Variants in EIF4G2 observed in about 807,000 individuals in gnomAD.
EIF4G2 encodes the protein DAP-5.
Under a neutral mutation model 117.7 loss-of-function variants are expected in EIF4G2, and 8 were observed. The ratio of observed to expected loss-of-function variants is 0.07; its 90% CI spans 0.04 to 0.12. The LOEUF (loss-of-function observed/expected upper bound fraction) is 0.12. Among genes scored for constraint, EIF4G2 ranks in the 10% least tolerant of loss-of-function variants. EIF4G2 has a pLI of 1.00. For synonymous variants in EIF4G2, 413 were observed against 367.8 expected (o/e 1.12, Z -1.41); for missense variants, 812 against 1,086.2 (o/e 0.75, Z 3.55).
chr11:10,806,940 G>T, intron 2 of EIF4G2, 55 bp from the exon 3 acceptor site: 6 of 1,458,842 alleles, frequency 4.1e-6, no homozygotes, highest in Non-Finnish European at 4.5e-6. Flanking sequence ...CACTCAAAAA[G>T]AATAAGCATC....
chr11:10,808,541 A>G (rs2135425043), intron 1 of EIF4G2, 164 bp downstream of exon 1: 1 of 1,160,796 alleles, frequency 8.6e-7, no homozygotes, highest in South Asian at 1.5e-5. Flanking sequence ...AGAGAACAAA[A>G]GCCAAGACTT....
chr11:10,806,532 T>C (rs1847575140), intron 3 of EIF4G2: 1 of 404,650 alleles, frequency 2.5e-6, no homozygotes, highest in Non-Finnish European at 4.5e-6. Flanking sequence ...CGTACTACTT[T>C]ACTAATAACA....
chr11:10,808,509 C>T, intron 1 of EIF4G2, 196 bp downstream of exon 1: 1 of 1,226,744 alleles, frequency 8.2e-7, no homozygotes, highest in Non-Finnish European at 1.0e-6. Context: ...CGTTTTCCTT[C>T]TACTCCGTCA....
rs1462863807 is a variant in EIF4G2 at position 10,797,596 on chromosome 11, C to T, written c.*220G>A. On this transcript the variant is annotated 3_prime_UTR_variant, in exon 22 of 22. Transcript: ENST00000339995. This position sits in a 1 kb window ranked among gnomAD's most constrained non-coding sequence, Gnocchi z 4.5. ...TTATTGCATGCTGCTAATATACTAT[C>T]TAAACATTAAAGATACTCCTAAAAT... The T allele has an allele frequency of 9.0e-6, 5 of 556,236 alleles. No homozygotes were observed. Among genetic ancestry groups the T allele is most frequent in the African/African-American group, 5.7e-5 (3 of 52,742 alleles). The allele number at this position is 556,236 out of a possible 1,614,324, so 34.5% of individuals were successfully genotyped here.
chr11:10,798,194 C>A (rs1353839594), intron 21 of EIF4G2, among the ~76,000 whole-genome samples: 1 of 152,154 alleles, frequency 6.6e-6, no homozygotes, highest in African/African-American at 2.4e-5. Context: ...AAAGAATCAC[C>A]TGGATTTTGT....
chr11:10,800,976 G>T lies in EIF4G2; in HGVS notation c.1525C>A (p.Pro509Thr). The T allele has an allele frequency of 1.9e-6, 3 of 1,614,174 alleles. No individual in the cohort carries two copies. The highest frequency in any genetic ancestry group is 2.5e-6 in the Non-Finnish European group (3 of 1,180,002). The stretch of plus-strand genomic sequence containing the variant: ...ATGGTCTGTACCTGTCCCAGAGGTG[G>T]TGTTTGAGTGCGTGGTGGTTGTGCA... Residue 509 changes from proline (P) to threonine (T), a missense_variant, in exon 15 of 22, where the codon CCA (proline) becomes ACA (threonine). Pro to Thr is a conservative substitution (Grantham distance 38, BLOSUM62 -1). Around this residue, in one of 4 missense-constraint regions of EIF4G2, gnomAD observed 571 missense variants for 642.3 expected, o/e 0.89. Transcript: ENST00000339995.
rs1278217163 is a variant in EIF4G2 at position 10,800,761 on chromosome 11, T to C, written c.1614A>G (p.Pro538=). 2.5e-6 allele frequency: 4 copies of C among 1,614,196 alleles called. No homozygotes were observed. In the South Asian group the frequency reaches 4.4e-5, roughly 18 times the overall value. The stretch of plus-strand genomic sequence containing the variant: ...GTTTAAGGAGTTCTTCCTTTGACGG[T>C]GGTGGCTTTTTGCTGGTCTTGGCAG... The change falls in exon 16 of 22, where the codon CCA becomes CCG. Residue 538 remains proline (P), a synonymous_variant. Coordinates refer to ENST00000339995, the MANE Select transcript of EIF4G2 (RefSeq NM_001418.4).
intron 4 of EIF4G2, 91 bp from the exon 5 acceptor site, chr11:10,805,106 A>G (rs1847527339): frequency 2.0e-6 from 2 of 1,009,178 alleles, no homozygotes; most frequent in Non-Finnish European, 3.0e-6. Flanking sequence ...TTTTTCTTCT[A>G]ACTTGCTCCC....
At position 10,797,941 on chromosome 11, in the gene EIF4G2, A is replaced by G. The variant is rs1455460348; in HGVS notation, c.2659-60T>C. On this transcript the variant is annotated intron_variant, in intron 21 of 21. Coordinates refer to ENST00000339995, the MANE Select transcript of EIF4G2 (RefSeq NM_001418.4). The surrounding 1 kb of genome is among the most constrained non-coding windows in gnomAD (Gnocchi z 4.5). ...TGATATAAACAGAAATCCATCCAAA[A>G]AGTTTTAGGTGGTACTACACAGTTT... 4.0e-6 allele frequency: 6 copies of G among 1,514,152 alleles called. No homozygotes were observed. Among genetic ancestry groups the G allele is most frequent in the Non-Finnish European group, 5.5e-6 (6 of 1,095,596 alleles). 93.8% of individuals were successfully genotyped at this position (1,514,152 alleles called of 1,614,324 possible).
Position 10,797,910 on chromosome 11 carries a change from A to G in EIF4G2, c.2659-29T>C. 1.2e-6 allele frequency: 2 copies of G among 1,604,754 alleles called. No individual in the cohort carries two copies. The highest frequency in any genetic ancestry group is 1.7e-6 in the Non-Finnish European group (2 of 1,173,408). ...TAAATTAAGATTTGTAAATTAAAAT[A>G]GTTCATGATATAAACAGAAATCCAT... is the stretch of plus-strand genomic sequence containing the variant. On this transcript the variant is annotated intron_variant, in intron 21 of 21. Coordinates refer to ENST00000339995, the MANE Select transcript of EIF4G2 (RefSeq NM_001418.4). The surrounding 1 kb of genome is among the most constrained non-coding windows in gnomAD (Gnocchi z 4.5).
At chr11:10,799,977 A>C (rs1199585339) in intron 18 of EIF4G2, 113 bp downstream of exon 18, 5 of 1,258,148 alleles carry the variant, frequency 4.0e-6, no homozygotes, top group Non-Finnish European at 5.5e-6. Flanking sequence ...AATGTTTATC[A>C]TTATCTGAGC....
At chr11:10,798,939 T>G (rs201266785) in intron 21 of EIF4G2, 53 bp downstream of exon 21, 4 of 1,570,502 alleles carry the variant, frequency 2.5e-6, no homozygotes, top group Non-Finnish European at 3.4e-6. Context: ...TAACTTGAAG[T>G]TAATACCAAG....
intron 3 of EIF4G2, chr11:10,806,548 T>C: frequency 2.3e-6 from 1 of 431,446 alleles, no homozygotes; most frequent in East Asian, 3.9e-5. Flanking sequence ...TAACAATCAG[T>C]AGGAATAATA....
intron 3 of EIF4G2, 120 bp downstream of exon 3, chr11:10,806,700 A>G: frequency 9.0e-7 from 1 of 1,116,982 alleles, no homozygotes; most frequent in Non-Finnish European, 1.3e-6. Flanking sequence ...GATACCCAAC[A>G]GAAACCACGC....
chr11:10,801,241 T>C, intron 14 of EIF4G2, 154 bp from the exon 15 acceptor site: 2 of 1,127,990 alleles, frequency 1.8e-6, no homozygotes, highest in Non-Finnish European at 2.4e-6. Flanking sequence ...ACAGGTTTAA[T>C]TTTTGGCAAA....
Position 10,799,434 on chromosome 11 carries a change from AAG to A in EIF4G2, c.2325-12_2325-11del, listed in dbSNP as rs756403353. 6.8e-6 allele frequency: 11 copies of A among 1,611,652 alleles called. No homozygotes were observed. Among genetic ancestry groups the A allele is most frequent in the Admixed American group, 6.7e-5 (4 of 59,972 alleles). On this transcript the variant is annotated splice_polypyrimidine_tract_variant and intron_variant, in intron 19 of 21. Transcript: ENST00000339995. Reference sequence around the variant, plus strand: ...AATGTACTGTAAGAAGCTGGACAGAAAGAGGTCTTGTTAGAACCCAACAGTGA... The same window carrying A: ...AATGTACTGTAAGAAGCTGGACAGAAAGGTCTTGTTAGAACCCAACAGTGA...
intron 3 of EIF4G2, chr11:10,806,514 G>C (rs1033674638): frequency 6.5e-5 from 24 of 367,774 alleles, no homozygotes; most frequent in Non-Finnish European, 1.1e-4. Context: ...TATTGACCAT[G>C]TTGAGTGCGT....
intron 1 of EIF4G2, chr11:10,807,946 G>A: frequency 3.9e-6 from 4 of 1,013,836 alleles, no homozygotes; most frequent in Non-Finnish European, 4.7e-6. Flanking sequence ...TTCCCTTCCT[G>A]GGAACAAAAG....
chr11:10,801,125 T>C (rs959645819), intron 14 of EIF4G2, 38 bp from the exon 15 acceptor site: 3 of 1,611,652 alleles, frequency 1.9e-6, no homozygotes, highest in Non-Finnish European at 2.5e-6. Flanking sequence ...ATTAACAACA[T>C]GCAGTTGGCG....
Sources: gnomAD v4.1 joint callset for allele counts (sites outside exome capture counted in the v4.1 genomes callset) on GRCh38, gnomAD v4.1.1 for gene constraint, gnomAD v4.1.1 regional missense constraint, Gnocchi (gnomAD v3.1) non-coding constraint, MANE v1.5 for transcripts, NCBI Gene and HGNC (gene_info 2026-07-23, HGNC 2026-07-21) for gene names.